Variants in RFNG observed in about 807,000 individuals in gnomAD.
RFNG encodes the protein RFNG O-fucosylpeptide 3-beta-N-acetylglucosaminyltransferase.
RFNG carries 37 observed loss-of-function variants against 29.6 expected under a neutral mutation model. The ratio of observed to expected loss-of-function variants is 1.25; its 90% CI spans 0.96 to 1.65. The LOEUF is 1.65. RFNG is among the 40% of genes most tolerant of loss of function. The probability of loss-of-function intolerance (pLI) is 0.00; values close to 1 mark genes in which losing one functional copy is unlikely to be tolerated. For synonymous variants in RFNG, 276 were observed against 197.3 expected (o/e 1.40, Z -3.34); for missense variants, 546 against 457.0 (o/e 1.19, Z -1.78).
intron 4 of RFNG, 30 bp from the exon 5 acceptor site, chr17:82,050,036 C>G (rs757848380): frequency 6.4e-7 from 1 of 1,560,474 alleles, no homozygotes; most frequent in Admixed American, 1.8e-5. Context: ...CAGAGCTGCC[C>G]AGGACAGGGC....
chr17:82,050,303 T>C (rs2030287625), intron 4 of RFNG, 99 bp downstream of exon 4: 3 of 1,383,726 alleles, frequency 2.2e-6, no homozygotes, highest in Admixed American at 2.3e-5. Flanking sequence ...CCCCCAACCC[T>C]ATGCCCTTCT....
chr17:82,049,320 G>T, intron 6 of RFNG: 1 of 702,158 alleles, frequency 1.4e-6, no homozygotes, highest in Non-Finnish European at 2.6e-6. Context: ...CAGAAGATAG[G>T]GATCTGAAAC....
chr17:82,049,515 T>C, intron 6 of RFNG, 162 bp downstream of exon 6: 1 of 827,140 alleles, frequency 1.2e-6, no homozygotes, highest in Non-Finnish European at 2.0e-6. Flanking sequence ...GTGAGGACCC[T>C]GTGTCCAACA....
chr17:82,051,053 G>A lies in RFNG; in HGVS notation c.316+241C>T, dbSNP rs904589902. 7.2e-7 allele frequency: 1 copy of A among 1,387,652 alleles called. No homozygotes were observed. The highest frequency in any genetic ancestry group is 9.3e-7 in the Non-Finnish European group (1 of 1,076,402). 86.0% of individuals were successfully genotyped at this position (1,387,652 alleles called of 1,614,324 possible). On this transcript the variant is annotated intron_variant, in intron 2 of 7. Coordinates refer to ENST00000310496, the MANE Select transcript of RFNG (RefSeq NM_002917.2). This position sits in a 1 kb window ranked among gnomAD's most constrained non-coding sequence, Gnocchi z 4.1. ...GATTCCCTGCTGGCGCTTCTTCAGGGGACGTGGCACTAGCCCCACGCCCCG... is the reference window on the plus strand; with the variant it reads ...GATTCCCTGCTGGCGCTTCTTCAGGAGACGTGGCACTAGCCCCACGCCCCG...
chr17:82,050,365 AGGCGTCTGCTCCGAT>A (rs763966086), intron 4 of RFNG, 22 bp downstream of exon 4: 159 of 1,529,282 alleles, frequency 1.0e-4, no homozygotes, highest in Middle Eastern at 1.8e-4. Context: ...GTGTCAAGGA[AGGCGTCTGCTCCGAT>A]GGCGTCTGCT....
chr17:82,049,984 A>T lies in RFNG; in HGVS notation c.596T>A (p.Phe199Tyr), dbSNP rs1466842745. 1.2e-6 allele frequency: 2 copies of T among 1,612,202 alleles called. No individual in the cohort carries two copies. The highest frequency in any genetic ancestry group is 4.5e-5 in the East Asian group (2 of 44,842). ...GCAGAACCCGGCCCCACCAGTAGCA[A>T]ACCAGAACTTGACCGTGGTCACCTG... ...GRTVTTVKFW[F>Y]ATGGAGFCLS... The change falls in exon 5 of 8, where the codon TTT becomes TAT. Residue 199 changes from phenylalanine to tyrosine, a missense_variant. Phe to Tyr is a conservative substitution (Grantham distance 22). Coordinates refer to ENST00000310496, the MANE Select transcript of RFNG (RefSeq NM_002917.2).
chr17:82,050,919 G>A (rs1200813483), intron 2 of RFNG, 155 bp from the exon 3 acceptor site: 4 of 1,402,488 alleles, frequency 2.9e-6, no homozygotes, highest in South Asian at 1.5e-5. Flanking sequence ...TAGCCCTCAC[G>A]CGCTGACCCT....
rs1378347869 is a variant in RFNG at position 82,051,523 on chromosome 17, AG to A, written c.243del (p.Trp82GlyfsTer70). 1 of 1,395,572 alleles carries A rather than the reference AG, an allele frequency of 7.2e-7. No homozygotes were observed. The highest frequency in any genetic ancestry group is 9.3e-7 in the Non-Finnish European group (1 of 1,070,638). The allele number at this position is 1,395,572 out of a possible 1,614,324, so 86.4% of individuals were successfully genotyped here. A position where few individuals can be genotyped will look rare whatever the true frequency, so the allele number is the denominator to read the frequency against. On this transcript the variant is annotated frameshift_variant, in exon 1 of 8. Transcript: ENST00000310496. LOFTEE classifies it high-confidence loss of function. This position sits in a 1 kb window ranked among gnomAD's most constrained non-coding sequence, Gnocchi z 4.1. Reference sequence around the variant, plus strand: ...ACCTGCTGGCGGGCCCGGGAGATCCAGGTGCGCAGCAGCAGCCGCAGGCGCG... The same window carrying A: ...ACCTGCTGGCGGGCCCGGGAGATCCAGTGCGCAGCAGCAGCCGCAGGCGCG... ...HGPRLRLLLR[T>X]WISRARQQTF... is the part of the protein sequence containing the mutation.
Position 82,049,776 on chromosome 17 carries a change from G to T in RFNG, c.729C>A (p.Ile243=). The change falls in exon 6 of 8, where the codon ATC becomes ATA. Residue 243 remains isoleucine (I), a synonymous_variant. Coordinates refer to ENST00000310496, the MANE Select transcript of RFNG (RefSeq NM_002917.2). The part of the protein sequence containing the change: ...RLPDDCTVGY[I]VEGLLGARLL... ...GGCGGGCGCCCAGGAGCCCCTCCAC[G>T]ATGTAGCCAACTGTGCAGTCATCCG... 5.2e-6 allele frequency: 8 copies of T among 1,528,944 alleles called. No homozygotes were observed. The highest frequency in any genetic ancestry group is 7.0e-6 in the Non-Finnish European group (8 of 1,141,514). The allele number at this position is 1,528,944 out of a possible 1,614,324, so 94.7% of individuals were successfully genotyped here. A position where few individuals can be genotyped will look rare whatever the true frequency, so the allele number is the denominator to read the frequency against.
In RFNG at chr17:82,049,745, G is replaced by A; in HGVS notation, c.760C>T (p.His254Tyr). ...VEGLLGARLL[H>Y]SPLFHSHLEN... ...AGGTGAGAGTGGAAGAGGGGGCTGT[G>A]CAGCAGGCGGGCGCCCAGGAGCCCC... Residue 254 changes from histidine (H) to tyrosine (Y), a missense_variant, in exon 6 of 8, where the codon CAC becomes TAC. Physicochemically the swap from His to Tyr is moderately conservative, Grantham distance 83. Coordinates refer to ENST00000310496, the MANE Select transcript of RFNG (RefSeq NM_002917.2). The A allele has an allele frequency of 6.6e-7, 1 of 1,520,130 alleles. No individual in the cohort carries two copies. 94.2% of individuals were successfully genotyped at this position (1,520,130 alleles called of 1,614,324 possible).
In RFNG at chr17:82,050,531, G is replaced by C; in HGVS notation, c.444C>G (p.Asp148Glu). The change falls in exon 4 of 8, where the codon GAC (aspartate) becomes GAG (glutamate). Residue 148 changes from aspartate (D) to glutamate (E), a missense_variant. Transcript: ENST00000310496. ...GGAGGCTCCTGGCGTTCACATAATTGTCATCATCCACGTGGCAAAACCACC... is the reference window on the plus strand; with the variant it reads ...GGAGGCTCCTGGCGTTCACATAATTCTCATCATCCACGTGGCAAAACCACC... ...GRKWFCHVDD[D>E]NYVNARSLLH... 1 of 1,612,506 alleles carries C rather than the reference G, an allele frequency of 6.2e-7. No homozygotes were observed. The highest frequency in any genetic ancestry group is 8.5e-7 in the Non-Finnish European group (1 of 1,179,510).
In RFNG at chr17:82,050,869, T is replaced by C. The variant is rs1312543339; in HGVS notation, c.317-105A>G. 3.5e-6 allele frequency: 5 copies of C among 1,433,170 alleles called. No individual in the cohort carries two copies. The Admixed American group carries it at 1.0e-4, about 29-fold the overall frequency. The allele number at this position is 1,433,170 out of a possible 1,614,324, so 88.8% of individuals were successfully genotyped here. The stretch of plus-strand genomic sequence containing the variant: ...AGGGCCAGGGCACAACGTGGCTGTC[T>C]GACATGCCTGGACACCTTGCCTGGG... On this transcript the variant is annotated intron_variant, in intron 2 of 7. Coordinates refer to ENST00000310496, the MANE Select transcript of RFNG (RefSeq NM_002917.2).
chr17:82,051,333 A>G lies in RFNG; in HGVS notation c.277T>C (p.Phe93Leu), dbSNP rs1438298807. Residue 93 changes from phenylalanine to leucine, a missense_variant, in exon 2 of 8, where the codon TTC (phenylalanine) becomes CTC (leucine). Coordinates refer to ENST00000310496, the MANE Select transcript of RFNG (RefSeq NM_002917.2). The surrounding 1 kb of genome is among the most constrained non-coding windows in gnomAD (Gnocchi z 4.1). ...ISRARQQTFIFTDGDDPELEL... is the reference protein window; with the variant it reads ...ISRARQQTFILTDGDDPELEL... Reference sequence around the variant, plus strand: ...AGCTCAGGGTCGTCCCCGTCGGTGAAGATAAACGTCTGGGGGAGAAACAAT... The same window carrying G: ...AGCTCAGGGTCGTCCCCGTCGGTGAGGATAAACGTCTGGGGGAGAAACAAT... 6.8e-7 allele frequency: 1 copy of G among 1,460,384 alleles called. No homozygotes were observed. The highest frequency in any genetic ancestry group is 9.0e-7 in the Non-Finnish European group (1 of 1,114,178). 90.5% of individuals were successfully genotyped at this position (1,460,384 alleles called of 1,614,324 possible). A position where few individuals can be genotyped will look rare whatever the true frequency, so the allele number is the denominator to read the frequency against.
At position 82,048,695 on chromosome 17, in the gene RFNG, G is replaced by A. The variant is rs1187004113; in HGVS notation, c.*31C>T. 3 of 1,587,156 alleles carry A rather than the reference G, an allele frequency of 1.9e-6. No homozygotes were observed. Among genetic ancestry groups the A allele is most frequent in the Non-Finnish European group, 2.6e-6 (3 of 1,158,682 alleles). ...TCTGGTTCCCCGCGCCTGGGACAGAGCCAGGCAGCCCTGGGTCGGGGTGGT... is the reference window on the plus strand; with the variant it reads ...TCTGGTTCCCCGCGCCTGGGACAGAACCAGGCAGCCCTGGGTCGGGGTGGT... On this transcript the variant is annotated 3_prime_UTR_variant, in exon 8 of 8. Transcript: ENST00000310496.
intron 4 of RFNG, 47 bp from the exon 5 acceptor site, chr17:82,050,053 C>T (rs368097032): frequency 7.3e-5 from 108 of 1,479,470 alleles, no homozygotes; most frequent in Non-Finnish European, 9.7e-5. Flanking sequence ...GGGCTTCTCA[C>T]CCCTGACTCT....
rs767226162 is a variant in RFNG, at chr17:82,049,946, G to C, written c.634C>G (p.Leu212Val). The C allele has an allele frequency of 6.2e-7, 1 of 1,612,426 alleles. No homozygotes were observed. The highest frequency in any genetic ancestry group is 1.7e-5 in the Admixed American group (1 of 59,970). ...GGAGFCLSRG[L>V]ALKMSPWASL... ...GCCCATGGGCTCATCTTGAGGGCAA[G>C]GCCTCTGCTGAGGCAGAACCCGGCC... is the stretch of plus-strand genomic sequence containing the variant. The change falls in exon 5 of 8, where the codon CTT becomes GTT. Residue 212 changes from leucine (L) to valine (V), a missense_variant. Transcript: ENST00000310496.
Position 82,051,125 on chromosome 17 carries a change from C to T in RFNG, c.316+169G>A. ...CTGGTGGGGAGCAGAGCTTGGCTGG[C>T]AGGGTGGGCCCTCCGCAGGCCGCGT... On this transcript the variant is annotated intron_variant, in intron 2 of 7. Coordinates refer to ENST00000310496, the MANE Select transcript of RFNG (RefSeq NM_002917.2). The surrounding 1 kb of genome is among the most constrained non-coding windows in gnomAD (Gnocchi z 4.1). 1 of 1,328,396 alleles carries T rather than the reference C, an allele frequency of 7.5e-7. No individual in the cohort carries two copies. Among genetic ancestry groups the T allele is most frequent in the Non-Finnish European group, 9.6e-7 (1 of 1,043,562 alleles). 82.3% of individuals were successfully genotyped at this position (1,328,396 alleles called of 1,614,324 possible). A position where few individuals can be genotyped will look rare whatever the true frequency, so the allele number is the denominator to read the frequency against.
At chr17:82,049,470 G>C in intron 6 of RFNG, 3 of 727,384 alleles carry the variant, frequency 4.1e-6, no homozygotes, top group Non-Finnish European at 7.3e-6. Context: ...TTCTCCCCTC[G>C]TTCCTCTGCC....
In RFNG at chr17:82,051,589, C is replaced by A; in HGVS notation, c.178G>T (p.Val60Phe). Residue 60 changes from valine (V) to phenylalanine (F), a missense_variant, in exon 1 of 8, where the codon GTC becomes TTC. Transcript: ENST00000310496. This position sits in a 1 kb window ranked among gnomAD's most constrained non-coding sequence, Gnocchi z 4.1. The stretch of plus-strand genomic sequence containing the variant: ...CGGGTGGTCTTGACGGCGATGAAGA[C>A]GTCGTCAGGCCGCAGGCTGGGGGCA... ...PAAPSLRPDD[V>F]FIAVKTTRKN... 2 of 1,311,152 alleles carry A rather than the reference C, an allele frequency of 1.5e-6. No individual in the cohort carries two copies. Among genetic ancestry groups the A allele is most frequent in the South Asian group, 1.9e-5 (1 of 51,524 alleles). 81.2% of individuals were successfully genotyped at this position (1,311,152 alleles called of 1,614,324 possible). A position where few individuals can be genotyped will look rare whatever the true frequency, so the allele number is the denominator to read the frequency against.
Sources: allele counts gnomAD v4.1 joint callset, GRCh38; gene constraint gnomAD v4.1.1; non-coding constraint Gnocchi (gnomAD v3.1); transcripts MANE v1.5; gene names NCBI Gene and HGNC (gene_info 2026-07-23, HGNC 2026-07-21).